Variants in TRANK1 observed in about 807,000 individuals in gnomAD.
TRANK1 encodes tetratricopeptide repeat and ankyrin repeat containing 1.
A neutral mutation model predicts 266.0 loss-of-function variants in TRANK1; 198 were observed. That is an observed-to-expected ratio of 0.74 (90% confidence interval 0.66 to 0.84). The LOEUF (loss-of-function observed/expected upper bound fraction) is 0.84, where lower values mean the gene tolerates loss of function less well. Among genes scored for constraint, TRANK1 ranks in the 40% least tolerant of loss-of-function variants. TRANK1 has a pLI of 0.00. For synonymous variants in TRANK1, 1,396 were observed against 1,384.1 expected (o/e 1.01, Z -0.19); for missense variants, 3,326 against 3,634.6 (o/e 0.92, Z 2.18).
chr3:36,910,170 A>G (rs2080031369), intron 1 of TRANK1, among the ~76,000 whole-genome samples: 1 of 152,266 alleles, frequency 6.6e-6, no homozygotes, highest in Non-Finnish European at 1.5e-5. Context: ...TTGCTACTAA[A>G]TATATGAAAA....
At position 36,843,191 on chromosome 3, in the gene TRANK1, G is replaced by A. The variant is rs144661127; in HGVS notation, c.5192-481C>T. On this transcript the variant is annotated intron_variant, in intron 17 of 23. Coordinates refer to ENST00000645898, the MANE Select transcript of TRANK1 (RefSeq NM_001329998.2). ...CAGACTGACCTGTGTTGTCTTTCTA[G>A]TATTCATGTAAGATATATTTTAACT... is the stretch of plus-strand genomic sequence containing the variant. 5.5e-3 allele frequency among the ~76,000 whole-genome samples: 830 copies of A among 152,250 alleles called. 4 individuals are homozygous for A. The highest frequency in any genetic ancestry group is 9.1e-3 in the Non-Finnish European group (620 of 68,028).
intron 20 of TRANK1, among the ~76,000 whole-genome samples, chr3:36,835,899 G>T (rs897756567): frequency 1.3e-5 from 2 of 152,122 alleles, no homozygotes; most frequent in African/African-American, 2.4e-5. Flanking sequence ...TAGACAAAAA[G>T]AACTCTTGCA....
rs1320110297 is a variant in TRANK1, at chr3:36,889,811, G to T, written c.907+18C>A. On this transcript the variant is annotated intron_variant, in intron 8 of 23. Transcript: ENST00000645898. ...CCAGCCAGCCACAGCGCACCCTCTG[G>T]GTAATGCCACTACTCACGCTTAACG... 6.5e-7 allele frequency: 1 copy of T among 1,528,038 alleles called. No individual in the cohort carries two copies. Among genetic ancestry groups the T allele is most frequent in the South Asian group, 1.2e-5 (1 of 82,674 alleles). The allele number at this position is 1,528,038 out of a possible 1,614,324, so 94.7% of individuals were successfully genotyped here. A position where few individuals can be genotyped will look rare whatever the true frequency, so the allele number is the denominator to read the frequency against.
intron 23 of TRANK1, 28 bp downstream of exon 23, chr3:36,829,536 A>T (rs766324063): frequency 6.2e-7 from 1 of 1,609,776 alleles, no homozygotes; most frequent in South Asian, 1.1e-5. Context: ...CCAAAGTGTT[A>T]CCTGTCCCCA....
At chr3:36,875,153 C>G (rs185991101) in intron 8 of TRANK1, among the ~76,000 whole-genome samples, 50 of 152,288 alleles carry the variant, frequency 3.3e-4, no homozygotes, top group Non-Finnish European at 2.6e-4. Context: ...AGCCTAGGTG[C>G]TGCTGTGATG....
rs187571384 is a variant in TRANK1, at chr3:36,925,448, T to C, written c.24-16994A>G. 5.9e-4 allele frequency among the ~76,000 whole-genome samples: 90 copies of C among 152,344 alleles called. 2 individuals carry two copies. The highest frequency in any genetic ancestry group is 2.1e-3 in the African/African-American group (88 of 41,580). On this transcript the variant is annotated intron_variant, in intron 1 of 23. Transcript: ENST00000645898. The stretch of plus-strand genomic sequence containing the variant: ...CTGGTGCTGAGATAAGACTCGTTAT[T>C]TATGATCCAACTAGAATGTAAACAT...
At chr3:36,882,442 C>A (rs1339792880) in intron 8 of TRANK1, among the ~76,000 whole-genome samples, 1 of 151,946 alleles carries the variant, frequency 6.6e-6, no homozygotes, top group East Asian at 1.9e-4. Flanking sequence ...ATAAATAGTG[C>A]AGAGACAAAT....
In TRANK1 at chr3:36,833,094, T is replaced by A; in HGVS notation, c.6489A>T (p.Gln2163His). The A allele has an allele frequency of 6.2e-7, 1 of 1,612,720 alleles. No homozygotes were observed. The highest frequency in any genetic ancestry group is 2.2e-5 in the East Asian group (1 of 44,862). Reference sequence around the variant, plus strand: ...GGTGTTTGTTTAGGGCTAATTTCACTTGGTCAGTCATTATCAAAAAATGAT... The same window carrying A: ...GGTGTTTGTTTAGGGCTAATTTCACATGGTCAGTCATTATCAAAAAATGAT... ...TKDHFLIMTD[Q>H]VKLALNKHLL... The change falls in exon 22 of 24, where the codon CAA becomes CAT. Residue 2163 changes from glutamine (Q) to histidine (H), a missense_variant. Physicochemically the swap from Gln to His is conservative, Grantham distance 24 (BLOSUM62 0). Coordinates refer to ENST00000645898, the MANE Select transcript of TRANK1 (RefSeq NM_001329998.2).
At chr3:36,910,439 AT>A (rs761390625) in intron 1 of TRANK1, among the ~76,000 whole-genome samples, 1 of 152,198 alleles carries the variant, frequency 6.6e-6, no homozygotes, top group Non-Finnish European at 1.5e-5. Flanking sequence ...ACACACAGTT[AT>A]TTTTAAAATC....
chr3:36,923,307 T>G (rs893549811), intron 1 of TRANK1, among the ~76,000 whole-genome samples: 1 of 149,590 alleles, frequency 6.7e-6, no homozygotes, highest in Non-Finnish European at 1.5e-5. Context: ...GCAGGCTGGA[T>G]TGCAGTGATA....
Position 36,831,706 on chromosome 3 carries a change from G to C in TRANK1, c.7877C>G (p.Ser2626Cys), listed in dbSNP as rs368052299. The change falls in exon 22 of 24, where the codon TCT becomes TGT. Residue 2626 changes from serine (S) to cysteine (C), a missense_variant. Transcript: ENST00000645898. The surrounding 1 kb of genome is among the most constrained non-coding windows in gnomAD (Gnocchi z 5.0). ...KRVLVAVNVK[S>C]VAEALQDLLF... Reference sequence around the variant, plus strand: ...CAGGTCCTGCAGTGCCTCAGCCACAGACTTCACATTGACTGCCACCAAGAC... The same window carrying C: ...CAGGTCCTGCAGTGCCTCAGCCACACACTTCACATTGACTGCCACCAAGAC... 9.9e-6 allele frequency: 16 copies of C among 1,613,892 alleles called. No homozygotes were observed. The highest frequency in any genetic ancestry group is 1.3e-5 in the Non-Finnish European group (15 of 1,179,896).
At chr3:36,943,476 A>ACCCACCCC (rs2080525715) in intron 1 of TRANK1, among the ~76,000 whole-genome samples, 1 of 74,454 alleles carries the variant, frequency 1.3e-5, no homozygotes, top group African/African-American at 5.3e-5. Context: ...TCCCACCTCT[A>ACCCACCCC]CCCACCCCCC....
rs200416044 is a variant in TRANK1 at position 36,855,333 on chromosome 3, C to T, written c.4389G>A (p.Thr1463=). The T allele has an allele frequency of 6.2e-4, 1,002 of 1,614,026 alleles. 12 individuals are homozygous for T. In the South Asian group the frequency reaches 9.9e-3, roughly 16 times the overall value. ...CINDPNSMFL[T]GDTAQSIMKG... ...TCATGATGCTCTGGGCCGTGTCCCC[C>T]GTGAGGAACATAGAGTTGGGGTCAT... The change falls in exon 13 of 24, where the codon ACG becomes ACA. Residue 1463 remains threonine (T), a synonymous_variant. Transcript: ENST00000645898.
intron 3 of TRANK1, 21 bp downstream of exon 3, chr3:36,903,128 C>G: frequency 1.3e-6 from 2 of 1,535,106 alleles, no homozygotes; most frequent in Non-Finnish European, 1.7e-6. Flanking sequence ...CTCCCCACAC[C>G]TTCACCCTCC....
chr3:36,879,579 TATAA>T (rs1293991097), intron 8 of TRANK1, among the ~76,000 whole-genome samples: 1 of 66,526 alleles, frequency 1.5e-5, no homozygotes, highest in Non-Finnish European at 2.6e-5. Context: ...TATAAATATA[TATAA>T]ATATACAAAT....
In TRANK1 at chr3:36,879,765, T is replaced by TA. The variant is rs1315936399; in HGVS notation, c.908-5470dup. The stretch of plus-strand genomic sequence containing the variant: ...ACAAATATATAAATATATATAAATA[T>TA]ATATAAATATATATAAATATGTAAA... On this transcript the variant is annotated intron_variant, in intron 8 of 23. Coordinates refer to ENST00000645898, the MANE Select transcript of TRANK1 (RefSeq NM_001329998.2). Among the ~76,000 whole-genome samples the TA allele has an allele frequency of 1.1e-4, 12 of 104,756 alleles. 1 individual carries two copies. The highest frequency in any genetic ancestry group is 5.0e-4 in the African/African-American group (12 of 24,122). 68.7% of individuals were successfully genotyped at this position (104,756 alleles called of 152,430 possible).
chr3:36,937,834 G>C (rs550766348), intron 1 of TRANK1, among the ~76,000 whole-genome samples: 1 of 152,266 alleles, frequency 6.6e-6, no homozygotes, highest in Non-Finnish European at 1.5e-5. Context: ...AGTACACCAG[G>C]CACTCCAGTG....
intron 8 of TRANK1, among the ~76,000 whole-genome samples, 178 bp downstream of exon 8, chr3:36,889,651 C>T (rs928219635): frequency 6.6e-6 from 1 of 152,234 alleles, no homozygotes; most frequent in African/African-American, 2.4e-5. Context: ...ACCTCACCTT[C>T]TTTCTGCATT....
At chr3:36,878,775 CAA>C (rs202216198) in intron 8 of TRANK1, among the ~76,000 whole-genome samples, 121 of 121,710 alleles carry the variant, frequency 9.9e-4, no homozygotes, top group Admixed American at 1.4e-3. Context: ...AATGAAAGTT[CAA>C]AAAAAAAAAA....
Sources: allele counts gnomAD v4.1 joint callset (sites outside exome capture counted in the v4.1 genomes callset), GRCh38; gene constraint gnomAD v4.1.1; non-coding constraint Gnocchi (gnomAD v3.1); transcripts MANE v1.5; gene names NCBI Gene and HGNC (gene_info 2026-07-23, HGNC 2026-07-21).